Variants in SH3BP4 observed in about 807,000 individuals in gnomAD.
SH3BP4 encodes SH3 domain binding protein 4.
Under a neutral mutation model 65.5 loss-of-function variants are expected in SH3BP4, and 33 were observed. The observed-to-expected ratio is 0.50, with a 90% CI of 0.38 to 0.67. The LOEUF is 0.67. Ranked by LOEUF, SH3BP4 falls within the 30% of genes least tolerant of loss-of-function variation. The pLI is 0.00. For synonymous variants in SH3BP4, 552 were observed against 545.5 expected (o/e 1.01, Z -0.17); for missense variants, 1,134 against 1,261.4 (o/e 0.90, Z 1.53).
In SH3BP4 at chr2:235,052,405, G is replaced by T. The variant is rs1297765449; in HGVS notation, c.2479-157G>T. The stretch of plus-strand genomic sequence containing the variant: ...CATCTCTTTTCTCCCGTGAATCCTG[G>T]CAGTGATCGATTTCAGGGGACATTT... On this transcript the variant is annotated intron_variant, in intron 4 of 5. Transcript: ENST00000392011. This position sits in a 1 kb window ranked among gnomAD's most constrained non-coding sequence, Gnocchi z 5.0. Among the ~76,000 whole-genome samples the T allele has an allele frequency of 6.6e-6, 1 of 152,116 alleles. No homozygotes were observed. Among genetic ancestry groups the T allele is most frequent in the Non-Finnish European group, 1.5e-5 (1 of 68,024 alleles).
intron 2 of SH3BP4, among the ~76,000 whole-genome samples, chr2:235,028,020 A>C (rs2106317376): frequency 6.6e-6 from 1 of 152,320 alleles, no homozygotes; most frequent in East Asian, 1.9e-4. Flanking sequence ...GGAATCTGTC[A>C]GTGATTCCTT....
chr2:234,961,716 A>C (rs978543934), intron 1 of SH3BP4, among the ~76,000 whole-genome samples: 2 of 152,140 alleles, frequency 1.3e-5, no homozygotes, highest in Admixed American at 1.3e-4. Context: ...AGTTGAACAG[A>C]GTGTAAGGGT....
At chr2:235,029,784 G>A (rs1370899045) in intron 2 of SH3BP4, among the ~76,000 whole-genome samples, 1 of 152,198 alleles carries the variant, frequency 6.6e-6, no homozygotes, top group African/African-American at 2.4e-5. Flanking sequence ...CACTCGGGAT[G>A]GGCGAGTCGG....
chr2:234,961,248 A>G (rs529531540), intron 1 of SH3BP4, among the ~76,000 whole-genome samples: 1 of 152,264 alleles, frequency 6.6e-6, no homozygotes, highest in African/African-American at 2.4e-5. Context: ...ATTTGGCTCC[A>G]TCATTGTCCC....
intron 1 of SH3BP4, among the ~76,000 whole-genome samples, chr2:234,975,316 G>A (rs986976328): frequency 1.3e-5 from 2 of 152,196 alleles, no homozygotes; most frequent in African/African-American, 4.8e-5. Context: ...CCTATCACTC[G>A]TGGGGAAGCC....
chr2:234,962,223 G>A (rs1180172121), intron 1 of SH3BP4, among the ~76,000 whole-genome samples: 1 of 152,088 alleles, frequency 6.6e-6, no homozygotes, highest in Middle Eastern at 3.4e-3. Context: ...CACAACCTCC[G>A]CCTCCCAGGT....
chr2:235,024,727 G>C (rs1216405897), intron 2 of SH3BP4, among the ~76,000 whole-genome samples: 1 of 152,158 alleles, frequency 6.6e-6, no homozygotes, highest in Non-Finnish European at 1.5e-5. Context: ...ATTCCTTTGA[G>C]TTAATGTGTA....
chr2:235,038,708 T>C (rs75471335), intron 3 of SH3BP4, among the ~76,000 whole-genome samples: 2 of 151,722 alleles, frequency 1.3e-5, no homozygotes, highest in African/African-American at 4.8e-5. Flanking sequence ...TCCTTGGAGA[T>C]AGGATGCTCT....
intron 1 of SH3BP4, among the ~76,000 whole-genome samples, chr2:234,955,866 G>A (rs999923816): frequency 5.3e-5 from 8 of 152,174 alleles, no homozygotes; most frequent in African/African-American, 1.7e-4. Flanking sequence ...GGGAAGCTAC[G>A]AGAATTTAAG....
intron 1 of SH3BP4, among the ~76,000 whole-genome samples, chr2:234,961,166 A>G (rs1386330560): frequency 6.6e-6 from 1 of 152,228 alleles, no homozygotes; most frequent in African/African-American, 2.4e-5. Flanking sequence ...AATGATGACC[A>G]TCGTACTTCG....
intron 1 of SH3BP4, among the ~76,000 whole-genome samples, chr2:234,984,562 G>A (rs535337141): frequency 6.6e-6 from 1 of 152,218 alleles, no homozygotes; most frequent in South Asian, 2.1e-4. Context: ...CTGAGTATAA[G>A]TGTATCTTAT....
chr2:234,956,557 CTTT>C (rs536560384), intron 1 of SH3BP4, among the ~76,000 whole-genome samples: 7 of 138,268 alleles, frequency 5.1e-5, no homozygotes, highest in South Asian at 2.4e-4. Context: ...AACCCTGCCT[CTTT>C]TTTTTTTTTT....
In SH3BP4 at chr2:234,952,463, G is replaced by T. The variant is rs1015501053; in HGVS notation, c.-207+293G>T. ...CGCCGAGCCGCAGCCCTCCGCGTGC[G>T]CTCGGGCCGCCCCCCAACCCCGGCT... On this transcript the variant is annotated intron_variant, in intron 1 of 5. Transcript: ENST00000392011. This position sits in a 1 kb window ranked among gnomAD's most constrained non-coding sequence, Gnocchi z 6.5. Among the ~76,000 whole-genome samples, 5 of 151,376 alleles carry T rather than the reference G, an allele frequency of 3.3e-5. No individual in the cohort carries two copies. Among genetic ancestry groups the T allele is most frequent in the Non-Finnish European group, 4.4e-5 (3 of 67,740 alleles).
chr2:235,011,080 C>A (rs565440277), intron 2 of SH3BP4, among the ~76,000 whole-genome samples: 1 of 150,574 alleles, frequency 6.6e-6, no homozygotes, highest in African/African-American at 2.4e-5. Flanking sequence ...AACCCTTCCT[C>A]CCTCTTCTAG....
chr2:234,979,927 AAG>A (rs1272307358), intron 1 of SH3BP4: 3 of 152,242 alleles, frequency 2.0e-5, no homozygotes, highest in Non-Finnish European at 4.4e-5. Flanking sequence ...GGCCCTGAAG[AAG>A]AGAGTCTCTT....
intron 1 of SH3BP4, among the ~76,000 whole-genome samples, chr2:234,957,572 G>A (rs1056152197): frequency 6.6e-6 from 1 of 151,652 alleles, no homozygotes; most frequent in Non-Finnish European, 1.5e-5. Flanking sequence ...TGGCCAGCAA[G>A]AGTAGAAGGC....
chr2:234,988,774 T>G (rs1379090354), intron 1 of SH3BP4, among the ~76,000 whole-genome samples: 3 of 152,184 alleles, frequency 2.0e-5, no homozygotes, highest in African/African-American at 7.2e-5. Context: ...TGGGTGGTTG[T>G]CTCAACGCCC....
intron 3 of SH3BP4, 102 bp from the exon 4 acceptor site, chr2:235,040,786 T>G: frequency 2.0e-6 from 2 of 1,000,026 alleles, no homozygotes; most frequent in Non-Finnish European, 3.0e-6. Context: ...CCTGGGTTAT[T>G]GTGCACCTGT....
chr2:235,011,144 TTCCTCCCTCTCCTAGGAG>T (rs1694487742), intron 2 of SH3BP4, among the ~76,000 whole-genome samples: 3 of 132,090 alleles, frequency 2.3e-5, no homozygotes, highest in African/African-American at 1.1e-4. Context: ...AGGAGAACCC[TTCCTCCCTCTCCTAGGAG>T]AACCCTTCCT....
Sources: allele counts gnomAD v4.1 joint callset (sites outside exome capture counted in the v4.1 genomes callset), GRCh38; gene constraint gnomAD v4.1.1; non-coding constraint Gnocchi (gnomAD v3.1); transcripts MANE v1.5; gene names NCBI Gene and HGNC (gene_info 2026-07-23, HGNC 2026-07-21).